PSKH1: variants seen among roughly 807,000 people sequenced by gnomAD.
PSKH1 encodes the protein serine/threonine-protein kinase H1.
In PSKH1, 12 loss-of-function variants were observed where a neutral mutation model predicts 26.7. That is an observed-to-expected ratio of 0.45 (90% CI 0.29 to 0.73). PSKH1 has a LOEUF of 0.73. Ranked by LOEUF, PSKH1 falls within the 30% of genes least tolerant of loss-of-function variation. PSKH1 has a pLI of 0.11. For missense variants in PSKH1, 431 were observed against 595.2 expected, an observed-to-expected ratio of 0.72 and a Z score of 2.87; for synonymous variants, 213 against 234.3, an observed-to-expected ratio of 0.91 and a Z score of 0.83.
intron 2 of PSKH1, among the ~76,000 whole-genome samples, chr16:67,910,505 T>C (rs905061295): frequency 2.0e-5 from 3 of 152,206 alleles, no homozygotes; most frequent in Non-Finnish European, 4.4e-5. Flanking sequence ...CTTTTATTTT[T>C]TGAGATGGAG....
intron 2 of PSKH1, among the ~76,000 whole-genome samples, chr16:67,917,641 T>C (rs545773387): frequency 1.3e-5 from 2 of 152,308 alleles, no homozygotes; most frequent in South Asian, 4.1e-4. Context: ...GCAGACAGGC[T>C]GTGCAGCCAG....
intron 1 of PSKH1, among the ~76,000 whole-genome samples, chr16:67,895,051 G>A (rs992521110): frequency 6.6e-6 from 1 of 151,624 alleles, no homozygotes; most frequent in Non-Finnish European, 1.5e-5. Context: ...AGCCCCCAGA[G>A]TAGCTGGGGT....
At chr16:67,921,559 T>C (rs1208990309) in intron 2 of PSKH1, among the ~76,000 whole-genome samples, 2 of 151,932 alleles carry the variant, frequency 1.3e-5, no homozygotes, top group Non-Finnish European at 2.9e-5. Flanking sequence ...CCAGCCTGGG[T>C]GACAGAGTGA....
At chr16:67,917,285 C>T (rs2058190494) in intron 2 of PSKH1, among the ~76,000 whole-genome samples, 1 of 152,230 alleles carries the variant, frequency 6.6e-6, no homozygotes, top group Non-Finnish European at 1.5e-5. Flanking sequence ...TCCAGGCTGT[C>T]TTGGCTTCAG....
intron 1 of PSKH1, among the ~76,000 whole-genome samples, chr16:67,907,696 G>T (rs533600654): frequency 2.6e-5 from 4 of 152,312 alleles, no homozygotes; most frequent in Admixed American, 1.3e-4. Context: ...AGCCATCCAT[G>T]TAGTGTGCTG....
Position 67,927,939 on chromosome 16 carries a change from G to A in PSKH1, c.*297G>A, listed in dbSNP as rs1424384851. On this transcript the variant is annotated 3_prime_UTR_variant, in exon 3 of 3. Coordinates refer to ENST00000291041, the MANE Select transcript of PSKH1 (RefSeq NM_006742.3). This position sits in a 1 kb window ranked among gnomAD's most constrained non-coding sequence, Gnocchi z 5.5. ...CTCTGGTGGAGTTGGGAAGGGATAG[G>A]ACCTGGCCTTCACTGTCTCCCTTGC... is the stretch of plus-strand genomic sequence containing the variant. The A allele has an allele frequency of 4.3e-6, 2 of 465,602 alleles. No individual in the cohort carries two copies. The highest frequency in any genetic ancestry group is 3.9e-5 in the African/African-American group (2 of 51,484). 28.8% of individuals were successfully genotyped at this position (465,602 alleles called of 1,614,324 possible).
intron 1 of PSKH1, among the ~76,000 whole-genome samples, chr16:67,896,635 C>T (rs1031908831): frequency 5.3e-5 from 8 of 150,850 alleles, no homozygotes; most frequent in Admixed American, 2.0e-4. Flanking sequence ...CTCTGCCTCC[C>T]GGGTTCAAGC....
At chr16:67,898,925 G>A (rs1481762379) in intron 1 of PSKH1, among the ~76,000 whole-genome samples, 1 of 152,098 alleles carries the variant, frequency 6.6e-6, no homozygotes, top group African/African-American at 2.4e-5. Context: ...CCAGCCGGTA[G>A]ACAGTTTTTC....
In PSKH1 at chr16:67,918,646, C is replaced by T. The variant is rs1322690161; in HGVS notation, c.958-8679C>T. ...TTACTCTGTCGCCCAGGCTGGAGTGCAGTGGTGTGATCTCGGCTCACCAAA... is the reference window on the plus strand; with the variant it reads ...TTACTCTGTCGCCCAGGCTGGAGTGTAGTGGTGTGATCTCGGCTCACCAAA... On this transcript the variant is annotated intron_variant, in intron 2 of 2. Transcript: ENST00000291041. Among the ~76,000 whole-genome samples, 5 of 148,648 alleles carry T rather than the reference C, an allele frequency of 3.4e-5. No homozygotes were observed. In the East Asian group the frequency reaches 7.9e-4, roughly 23 times the overall value.
At chr16:67,920,908 G>C (rs894171076) in intron 2 of PSKH1, among the ~76,000 whole-genome samples, 8 of 151,984 alleles carry the variant, frequency 5.3e-5, no homozygotes, top group Non-Finnish European at 7.4e-5. Flanking sequence ...TCCAGGGACA[G>C]AGACTGCAGT....
In PSKH1 at chr16:67,908,762, A is replaced by C. The variant is rs763298582; in HGVS notation, c.13A>C (p.Thr5Pro). ...CCTCGTGTCCGTGATGGGCTGTGGG[A>C]CAAGCAAGGTCCTTCCCGAGCCACC... The part of the protein sequence containing the change: MGCG[T>P]SKVLPEPPKD... The change falls in exon 2 of 3, where the codon ACA (threonine) becomes CCA (proline). Residue 5 changes from threonine (T) to proline (P), a missense_variant. Transcript: ENST00000291041. 1 of 1,586,178 alleles carries C rather than the reference A, an allele frequency of 6.3e-7. No homozygotes were observed. The highest frequency in any genetic ancestry group is 1.1e-5 in the South Asian group (1 of 87,024).
chr16:67,896,170 G>C (rs562111217), intron 1 of PSKH1, among the ~76,000 whole-genome samples: 1 of 150,734 alleles, frequency 6.6e-6, no homozygotes, highest in East Asian at 2.0e-4. Flanking sequence ...GTGCAATGGC[G>C]TGAGCTCGGC....
intron 1 of PSKH1, among the ~76,000 whole-genome samples, chr16:67,897,888 C>T (rs1434940949): frequency 6.6e-6 from 1 of 152,004 alleles, no homozygotes; most frequent in African/African-American, 2.4e-5. Context: ...TGCTTTGTTG[C>T]CCAGGCTGGA....
chr16:67,920,867 A>G (rs1426473351), intron 2 of PSKH1, among the ~76,000 whole-genome samples: 1 of 152,048 alleles, frequency 6.6e-6, no homozygotes, highest in Non-Finnish European at 1.5e-5. Context: ...TCCATCCCAT[A>G]TTGACCTACC....
rs762038809 is a variant in PSKH1, at chr16:67,908,849, G to A, written c.100G>A (p.Val34Met). The change falls in exon 2 of 3, where the codon GTG becomes ATG. Residue 34 changes from valine (V) to methionine (M), a missense_variant. By Grantham distance (21) the Val-to-Met change is conservative. Transcript: ENST00000291041. The stretch of plus-strand genomic sequence containing the variant: ...GCCCTTCAGTGGCACTAAGAGTGAC[G>A]TGTACAAGCACTTCATCACAGAGGT... ...VEPFSGTKSD[V>M]YKHFITEVDS... The A allele has an allele frequency of 8.1e-6, 13 of 1,614,046 alleles. No individual in the cohort carries two copies. The Admixed American group carries it at 1.5e-4, about 19-fold the overall frequency.
intron 1 of PSKH1, among the ~76,000 whole-genome samples, chr16:67,906,621 T>C (rs1230254066): frequency 6.6e-6 from 1 of 152,128 alleles, no homozygotes; most frequent in African/African-American, 2.4e-5. Flanking sequence ...CACCTCGGCC[T>C]CCCAAAGTGC....
At chr16:67,895,478 G>A (rs944946562) in intron 1 of PSKH1, among the ~76,000 whole-genome samples, 1 of 150,768 alleles carries the variant, frequency 6.6e-6, no homozygotes, top group Admixed American at 6.6e-5. Flanking sequence ...GTGCGATCTC[G>A]GCTCACTGCA....
chr16:67,923,945 G>A (rs77725546), intron 2 of PSKH1, among the ~76,000 whole-genome samples: 5,789 of 152,292 alleles, frequency 0.038, 316 homozygotes, highest in African/African-American at 0.13. Flanking sequence ...GTGCTGAGTT[G>A]ATGTGAGGCC....
chr16:67,893,485 G>T (rs1386493760), intron 1 of PSKH1, 114 bp downstream of exon 1: 1 of 152,330 alleles, frequency 6.6e-6, no homozygotes, highest in Non-Finnish European at 1.5e-5. Flanking sequence ...TGCAGCGTCG[G>T]CCCGTGCCCC....
Sources: gnomAD v4.1 joint callset for allele counts (sites outside exome capture counted in the v4.1 genomes callset) on GRCh38, gnomAD v4.1.1 for gene constraint, Gnocchi (gnomAD v3.1) non-coding constraint, MANE v1.5 for transcripts, NCBI Gene and HGNC (gene_info 2026-07-23, HGNC 2026-07-21) for gene names.